Variants in NRG3 observed in about 807,000 individuals in gnomAD.
The protein encoded by NRG3 is neuregulin 3, also known as pro-neuregulin-3, membrane-bound isoform.
Under a neutral mutation model 66.9 loss-of-function variants are expected in NRG3, and 31 were observed. The ratio of observed to expected loss-of-function variants is 0.46; its 90% CI spans 0.35 to 0.63. NRG3 has a LOEUF of 0.63. Ranked by LOEUF, NRG3 falls within the 20% of genes least tolerant of loss-of-function variation. NRG3 has a pLI of 0.00. For synonymous variants in NRG3, 393 were observed against 359.4 expected, an observed-to-expected ratio of 1.09 and a Z score of -1.06; for missense variants, 910 against 878.9, an observed-to-expected ratio of 1.04 and a Z score of -0.45.
intron 4 of NRG3, among the ~76,000 whole-genome samples, chr10:82,919,597 A>T (rs1333539913): frequency 6.6e-6 from 1 of 152,162 alleles, no homozygotes; most frequent in African/African-American, 2.4e-5. Flanking sequence ...GATGATCCCT[A>T]GGAAAAAACA....
intron 3 of NRG3, among the ~76,000 whole-genome samples, chr10:82,776,168 T>G (rs1452438682): frequency 1.3e-5 from 2 of 152,220 alleles, no homozygotes; most frequent in Non-Finnish European, 2.9e-5. Context: ...TTGTTTCTCC[T>G]TCATTTTTGA....
At chr10:82,017,766 G>A (rs567193466) in intron 1 of NRG3, among the ~76,000 whole-genome samples, 8 of 152,200 alleles carry the variant, frequency 5.3e-5, no homozygotes, top group African/African-American at 1.4e-4. Context: ...CATATCCTTC[G>A]CCCACTTGTT....
intron 5 of NRG3, among the ~76,000 whole-genome samples, chr10:82,954,077 G>A (rs1849800378): frequency 6.6e-6 from 1 of 151,892 alleles, no homozygotes; most frequent in Non-Finnish European, 1.5e-5. Flanking sequence ...AGAACTTGGA[G>A]GCTGGGTAGC....
At chr10:82,479,995 CA>C (rs555038132) in intron 2 of NRG3, among the ~76,000 whole-genome samples, 122 of 152,088 alleles carry the variant, frequency 8.0e-4, no homozygotes, top group African/African-American at 2.7e-3. Context: ...CAAAAACAAA[CA>C]AAAAAACCTT....
intron 1 of NRG3, among the ~76,000 whole-genome samples, chr10:82,244,231 A>G (rs1039373993): frequency 2.0e-5 from 3 of 152,168 alleles, no homozygotes; most frequent in African/African-American, 7.2e-5. Context: ...GAACCTAATT[A>G]TGGCTGTTTT....
chr10:82,343,076 A>T (rs992062480), intron 1 of NRG3, among the ~76,000 whole-genome samples: 1 of 152,062 alleles, frequency 6.6e-6, no homozygotes, highest in Admixed American at 6.6e-5. Flanking sequence ...TCAGTTCATC[A>T]TAGGTATGTG....
chr10:82,935,076 G>A (rs1323361562), intron 4 of NRG3, among the ~76,000 whole-genome samples: 3 of 151,854 alleles, frequency 2.0e-5, no homozygotes, highest in Non-Finnish European at 2.9e-5. Context: ...ATACCTGGGG[G>A]TAATCTCTGT....
intron 2 of NRG3, among the ~76,000 whole-genome samples, chr10:82,484,996 T>C (rs944569745): frequency 3.9e-5 from 6 of 152,212 alleles, no homozygotes. Context: ...TAATGTCAGT[T>C]TGCATACCTA....
intron 1 of NRG3, among the ~76,000 whole-genome samples, chr10:81,974,679 G>A (rs1211883554): frequency 6.6e-6 from 1 of 152,062 alleles, no homozygotes; most frequent in Admixed American, 6.6e-5. Flanking sequence ...TATGTCATTA[G>A]CATAATCTGA....
chr10:82,407,831 G>A (rs1175624991), intron 2 of NRG3, among the ~76,000 whole-genome samples: 8 of 152,070 alleles, frequency 5.3e-5, no homozygotes, highest in African/African-American at 1.9e-4. Context: ...AGCACTTTGG[G>A]AGGCCAAGGC....
At chr10:82,106,489 T>A (rs1380658667) in intron 1 of NRG3, among the ~76,000 whole-genome samples, 1 of 151,886 alleles carries the variant, frequency 6.6e-6, no homozygotes, top group African/African-American at 2.4e-5. Context: ...GATTTTTATT[T>A]TGAAAATGCA....
At chr10:82,979,190 A>T in intron 8 of NRG3, 70 bp downstream of exon 8, 1 of 1,474,022 alleles carries the variant, frequency 6.8e-7, no homozygotes, top group Non-Finnish European at 9.4e-7. Flanking sequence ...TTAAGTTTTA[A>T]GTTCCTTGGG....
chr10:82,120,724 T>G (rs2068030985), intron 1 of NRG3, among the ~76,000 whole-genome samples: 1 of 152,138 alleles, frequency 6.6e-6, no homozygotes, highest in Non-Finnish European at 1.5e-5. Flanking sequence ...TAAGATTCTA[T>G]CTAGTCATAC....
At chr10:82,254,951 G>C (rs1475916416) in intron 1 of NRG3, among the ~76,000 whole-genome samples, 1 of 152,180 alleles carries the variant, frequency 6.6e-6, no homozygotes, top group South Asian at 2.1e-4. Flanking sequence ...GGTGTTGGCT[G>C]TACATAGTGA....
At chr10:82,562,193 T>C (rs2045094564) in intron 2 of NRG3, among the ~76,000 whole-genome samples, 1 of 152,216 alleles carries the variant, frequency 6.6e-6, no homozygotes, top group African/African-American at 2.4e-5. Flanking sequence ...CAATAAATGA[T>C]ATTCAATCAA....
chr10:82,055,176 T>C (rs1403760617), intron 1 of NRG3, among the ~76,000 whole-genome samples: 1 of 151,900 alleles, frequency 6.6e-6, no homozygotes. Flanking sequence ...ATTGGTGATC[T>C]TGATGAAAAA....
intron 4 of NRG3, among the ~76,000 whole-genome samples, chr10:82,908,236 C>A (rs1844948698): frequency 6.6e-6 from 1 of 152,184 alleles, no homozygotes. Context: ...AAGCTGTTAA[C>A]TCACTAGGAA....
intron 2 of NRG3, among the ~76,000 whole-genome samples, chr10:82,704,715 T>C (rs1294953027): frequency 6.6e-6 from 1 of 152,240 alleles, no homozygotes; most frequent in Admixed American, 6.5e-5. Context: ...ACTATCAGGC[T>C]ATTGGCATCT....
chr10:82,192,366 G>A (rs1264426434), intron 1 of NRG3, among the ~76,000 whole-genome samples: 1 of 152,170 alleles, frequency 6.6e-6, no homozygotes, highest in African/African-American at 2.4e-5. Flanking sequence ...TTAGTAACAG[G>A]TATAATTGCA....
Sources: allele counts gnomAD v4.1 joint callset (sites outside exome capture counted in the v4.1 genomes callset), GRCh38; gene constraint gnomAD v4.1.1; transcripts MANE v1.5; gene names NCBI Gene and HGNC (gene_info 2026-07-23, HGNC 2026-07-21).